The following NPHP3 variants were observed in gnomAD, a reference collection of about 807,000 sequenced individuals.
NPHP3 encodes nephrocystin-3.
In NPHP3, 123 loss-of-function variants were observed where a neutral mutation model predicts 171.9. That is an observed-to-expected ratio of 0.72 (90% CI 0.62 to 0.83). NPHP3 has a LOEUF of 0.83. Ranked by LOEUF, NPHP3 falls within the 40% of genes least tolerant of loss-of-function variation. The probability of loss-of-function intolerance (pLI) is 0.00; values close to 1 mark genes in which losing one functional copy is unlikely to be tolerated. For synonymous variants in NPHP3, 558 were observed against 579.2 expected (o/e 0.96, Z 0.52); for missense variants, 1,506 against 1,591.9 (o/e 0.95, Z 0.92).
chr3:132,684,727 C>T lies in NPHP3; in HGVS notation c.3397G>A (p.Asp1133Asn). 6.2e-7 allele frequency: 1 copy of T among 1,614,050 alleles called. No individual in the cohort carries two copies. The highest frequency in any genetic ancestry group is 8.5e-7 in the Non-Finnish European group (1 of 1,179,988). The change falls in exon 24 of 27, where the codon GAC (aspartate) becomes AAC (asparagine). Residue 1133 changes from aspartate to asparagine, a missense_variant. Transcript: ENST00000337331. ...AGATTATTCAAAGACTGAGCACAGT[C>T]AGGGTGATCTGGTCCTAGAACTCGC... ...RERVLGPDHP[D>N]CAQSLNNLAA...
chr3:132,694,375 GTGTT>G (rs199752422), intron 16 of NPHP3, among the ~76,000 whole-genome samples: 4 of 148,728 alleles, frequency 2.7e-5, no homozygotes, highest in East Asian at 2.0e-4. Flanking sequence ...GTGTGTGTGT[GTGTT>G]TACACACACA....
intron 4 of NPHP3, among the ~76,000 whole-genome samples, chr3:132,716,068 A>C (rs916870220): frequency 1.6e-4 from 24 of 152,202 alleles, no homozygotes; most frequent in Admixed American, 1.4e-3. Context: ...ACTTCTTATC[A>C]ATTTTTTTTA....
intron 6 of NPHP3, 135 bp from the exon 7 acceptor site, chr3:132,708,392 G>A (rs1260268782): frequency 5.0e-6 from 4 of 797,030 alleles, no homozygotes; most frequent in African/African-American, 1.7e-5. Context: ...CACAACAAGT[G>A]AAGCTTTCCA....
Position 132,716,767 on chromosome 3 carries a change from A to T in NPHP3, c.813T>A (p.Asn271Lys). The T allele has an allele frequency of 1.9e-6, 3 of 1,614,106 alleles. No homozygotes were observed. The highest frequency in any genetic ancestry group is 2.5e-6 in the Non-Finnish European group (3 of 1,180,006). Residue 271 changes from asparagine to lysine, a missense_variant, in exon 4 of 27, where the codon AAT becomes AAA. Physicochemically the swap from Asn to Lys is moderately conservative, Grantham distance 94. This residue lies in a region of NPHP3 where 930 missense variants were observed against 924.9 expected (regional missense o/e 1.01). Coordinates refer to ENST00000337331, the MANE Select transcript of NPHP3 (RefSeq NM_153240.5). ...SSIDVEGPFA[N>K]VNRDDWDIAV... ...AACAGCATGTATTACCTCTATTAAC[A>T]TTTGCAAAGGGTCCTTCCACATCTA...
At chr3:132,689,429 T>C (rs1458856416) in intron 19 of NPHP3, among the ~76,000 whole-genome samples, 166 bp from the exon 20 acceptor site, 1 of 152,202 alleles carries the variant, frequency 6.6e-6, no homozygotes, top group Non-Finnish European at 1.5e-5. Flanking sequence ...ACCACTATCC[T>C]AGCTATGTAA....
Position 132,683,410 on chromosome 3 carries a change from A to G in NPHP3, c.3685T>C (p.Tyr1229His). ...ATALVNLAVL[Y>H]SQMKKHVEAL... ...ATATGGGAACTTACCATTTGGCTATAAAGAACAGCTAAGTTCACCAAGGCA... is the reference window on the plus strand; with the variant it reads ...ATATGGGAACTTACCATTTGGCTATGAAGAACAGCTAAGTTCACCAAGGCA... The change falls in exon 25 of 27, where the codon TAT becomes CAT. Residue 1229 changes from tyrosine (Y) to histidine (H), a missense_variant. Transcript: ENST00000337331. 1 of 1,613,162 alleles carries G rather than the reference A, an allele frequency of 6.2e-7. No homozygotes were observed. The highest frequency in any genetic ancestry group is 8.5e-7 in the Non-Finnish European group (1 of 1,179,306).
chr3:132,703,233 T>C (rs963289586), intron 9 of NPHP3, among the ~76,000 whole-genome samples: 2 of 152,216 alleles, frequency 1.3e-5, no homozygotes, highest in Non-Finnish European at 1.5e-5. Context: ...TGAAGAAATC[T>C]AGTTAGTAAA....
Position 132,715,282 on chromosome 3 carries a change from A to G in NPHP3, c.824-64T>C, listed in dbSNP as rs1430226292. 3 of 1,440,842 alleles carry G rather than the reference A, an allele frequency of 2.1e-6. No individual in the cohort carries two copies. In the African/African-American group the frequency reaches 4.2e-5, roughly 20 times the overall value. The allele number at this position is 1,440,842 out of a possible 1,614,324, so 89.3% of individuals were successfully genotyped here. ...AGAACACATTTGATCATTCTAAAAAAGTTTTAAAAACATAACAGGCATCAT... is the reference window on the plus strand; with the variant it reads ...AGAACACATTTGATCATTCTAAAAAGGTTTTAAAAACATAACAGGCATCAT... On this transcript the variant is annotated intron_variant, in intron 4 of 26. Coordinates refer to ENST00000337331, the MANE Select transcript of NPHP3 (RefSeq NM_153240.5).
Position 132,700,409 on chromosome 3 carries a change from A to G in NPHP3, c.1668T>C (p.Ile556=). 2 of 1,613,134 alleles carry G rather than the reference A, an allele frequency of 1.2e-6. No homozygotes were observed. Among genetic ancestry groups the G allele is most frequent in the Non-Finnish European group, 1.7e-6 (2 of 1,179,450 alleles). The change falls in exon 11 of 27, where the codon ATT becomes ATC. Residue 556 remains isoleucine, a synonymous_variant. Transcript: ENST00000337331. Reference sequence around the variant, plus strand: ...TGGGCCTTCCCACAAAATGGGAAAGAATCAGTGTGTTGGGGGAATTCTTCT... The same window carrying G: ...TGGGCCTTCCCACAAAATGGGAAAGGATCAGTGTGTTGGGGGAATTCTTCT... ...LQQKNSPNTL[I]LSHFVGRPMS...
intron 6 of NPHP3, among the ~76,000 whole-genome samples, chr3:132,712,904 G>A (rs779201943): frequency 1.4e-4 from 21 of 152,050 alleles, no homozygotes; most frequent in Admixed American, 3.3e-4. Context: ...ATTAAAATAA[G>A]CTAAAAATTA....
At chr3:132,706,401 A>G (rs367709772) in intron 7 of NPHP3, among the ~76,000 whole-genome samples, 1 of 146,702 alleles carries the variant, frequency 6.8e-6, no homozygotes, top group East Asian at 2.0e-4. Flanking sequence ...AGAAGTATAC[A>G]TTTTTTTTTT....
chr3:132,689,148 C>G lies in NPHP3; in HGVS notation c.2809G>C (p.Asp937His). The change falls in exon 20 of 27, where the codon GAC (aspartate) becomes CAC (histidine). Residue 937 changes from aspartate (D) to histidine (H), a missense_variant. Physicochemically the swap from Asp to His is moderately conservative, Grantham distance 81. Around this residue, in one of 3 missense-constraint regions of NPHP3, gnomAD observed 569 missense variants for 648.1 expected, o/e 0.88. Coordinates refer to ENST00000337331, the MANE Select transcript of NPHP3 (RefSeq NM_153240.5). Reference protein sequence around the residue: ...KQYEKNCEGEDNMSCLADLYE... With the variant: ...KQYEKNCEGEHNMSCLADLYE... ...AGATCAGCTAAGCAACTCATGTTGTCCTCGCCTTCGCAGTTTTTCTCATAC... is the reference window on the plus strand; with the variant it reads ...AGATCAGCTAAGCAACTCATGTTGTGCTCGCCTTCGCAGTTTTTCTCATAC... The G allele has an allele frequency of 6.2e-7, 1 of 1,614,144 alleles. No homozygotes were observed. The highest frequency in any genetic ancestry group is 8.5e-7 in the Non-Finnish European group (1 of 1,179,996).
In NPHP3 at chr3:132,719,054, C is replaced by T. The variant is rs1940132720; in HGVS notation, c.610G>A (p.Gly204Ser). ...TCCCCAGGATCAAATACTTGGATAC[C>T]CTGAGCCTGTAGCCTCTGAAGTTTG... ...ESKLQRLQAQ[G>S]IQVFDPGESD... Residue 204 changes from glycine to serine, a missense_variant, in exon 3 of 27, where the codon GGT becomes AGT. By Grantham distance (56) the Gly-to-Ser change is moderately conservative (BLOSUM62 0). This residue lies in a region of NPHP3 where 930 missense variants were observed against 924.9 expected (regional missense o/e 1.01). Transcript: ENST00000337331. The T allele has an allele frequency of 1.2e-6, 2 of 1,613,968 alleles. No individual in the cohort carries two copies. The highest frequency in any genetic ancestry group is 1.1e-5 in the South Asian group (1 of 91,078).
At position 132,722,122 on chromosome 3, in the gene NPHP3, G is replaced by T; in HGVS notation, c.234C>A (p.Gly78=). The T allele has an allele frequency of 6.2e-7, 1 of 1,606,202 alleles. No individual in the cohort carries two copies. The highest frequency in any genetic ancestry group is 8.5e-7 in the Non-Finnish European group (1 of 1,179,340). The stretch of plus-strand genomic sequence containing the variant: ...CGTACTCCAGCTCTGGCACCGACGA[G>T]CCAGTGGACTTGAAGCTGGCCCCCA... ...GLLGASFKST[G]SSVPELEYAA... Residue 78 remains glycine (G), a synonymous_variant, in exon 1 of 27, where the codon GGC becomes GGA. Coordinates refer to ENST00000337331, the MANE Select transcript of NPHP3 (RefSeq NM_153240.5).
intron 18 of NPHP3, 56 bp downstream of exon 18, chr3:132,691,136 C>G (rs1576664986): frequency 1.6e-6 from 2 of 1,252,750 alleles, no homozygotes; most frequent in East Asian, 4.7e-5. Context: ...GAAATAAGGA[C>G]ACAAAGGTAG....
intron 13 of NPHP3, 49 bp from the exon 14 acceptor site, chr3:132,697,411 C>T: frequency 1.7e-6 from 2 of 1,172,512 alleles, no homozygotes; most frequent in Non-Finnish European, 2.5e-6. Context: ...ACAACAAGAA[C>T]TGTAATTACC....
chr3:132,696,847 A>G (rs1300314380), intron 14 of NPHP3, 34 bp from the exon 15 acceptor site: 1 of 1,558,230 alleles, frequency 6.4e-7, no homozygotes, highest in Non-Finnish European at 8.8e-7. Context: ...CAAAACAGAA[A>G]TACAAAAACC....
Position 132,689,250 on chromosome 3 carries a change from C to T in NPHP3, c.2707G>A (p.Glu903Lys). Reference protein sequence around the residue: ...QNLYKRGHFAELLSYWQFVGK... With the variant: ...QNLYKRGHFAKLLSYWQFVGK... ...ACAAACTGCCAATAACTCAGCAACT[C>T]AGCAAAGTGTCCCCTGTTTCAACAA... The change falls in exon 20 of 27, where the codon GAG becomes AAG. Residue 903 changes from glutamate to lysine, a missense_variant. Glu to Lys is a moderately conservative substitution (Grantham distance 56). Coordinates refer to ENST00000337331, the MANE Select transcript of NPHP3 (RefSeq NM_153240.5). 6.2e-7 allele frequency: 1 copy of T among 1,614,118 alleles called. No individual in the cohort carries two copies. Among genetic ancestry groups the T allele is most frequent in the Non-Finnish European group, 8.5e-7 (1 of 1,179,962 alleles).
rs780165789 is a variant in NPHP3 at position 132,699,971 on chromosome 3, CAG to C, written c.1832_1833del (p.Ser611CysfsTer12). On this transcript the variant is annotated frameshift_variant, in exon 12 of 27. Coordinates refer to ENST00000337331, the MANE Select transcript of NPHP3 (RefSeq NM_153240.5). LOFTEE classifies it high-confidence loss of function. ...EEFPRWLEKL[S>X]ARHQGSIIIV... Reference sequence around the variant, plus strand: ...ATGATGATGCTGCCTTGATGACGAGCAGAGAGTTTTTCCAGCCAACGTGGAAA... The same window carrying C: ...ATGATGATGCTGCCTTGATGACGAGCAGAGTTTTTCCAGCCAACGTGGAAA... 8 of 1,614,078 alleles carry C rather than the reference CAG, an allele frequency of 5.0e-6. No homozygotes were observed. Among genetic ancestry groups the C allele is most frequent in the South Asian group, 4.4e-5 (4 of 91,084 alleles).
Sources: gnomAD v4.1 joint callset for allele counts (sites outside exome capture counted in the v4.1 genomes callset) on GRCh38, gnomAD v4.1.1 for gene constraint, gnomAD v4.1.1 regional missense constraint, MANE v1.5 for transcripts, NCBI Gene and HGNC (gene_info 2026-07-23, HGNC 2026-07-21) for gene names.